Variants in CCDC174 observed in about 807,000 individuals in gnomAD.
The protein encoded by CCDC174 is coiled-coil domain containing 174.
In CCDC174, 37 loss-of-function variants were observed where a neutral mutation model predicts 57.1. That is an observed-to-expected ratio of 0.65 (90% CI 0.50 to 0.85). CCDC174 has a LOEUF of 0.85. Among genes scored for constraint, CCDC174 ranks in the 40% least tolerant of loss-of-function variants. CCDC174 has a pLI of 0.00. For synonymous variants in CCDC174, 182 were observed against 190.2 expected (o/e 0.96, Z 0.35); for missense variants, 540 against 574.3 (o/e 0.94, Z 0.61).
intron 10 of CCDC174, 113 bp from the exon 11 acceptor site, chr3:14,670,783 T>C: frequency 1.1e-6 from 1 of 900,856 alleles, no homozygotes; most frequent in Non-Finnish European, 1.7e-6. Flanking sequence ...TCTTATTCTT[T>C]GGATAATTTG....
intron 8 of CCDC174, 154 bp from the exon 9 acceptor site, chr3:14,667,895 C>T (rs778431825): frequency 4.4e-6 from 3 of 675,840 alleles, no homozygotes. Flanking sequence ...GAGAGTACTT[C>T]ATAGGGCTTC....
rs140126783 is a variant in CCDC174 at position 14,666,832 on chromosome 3, C to T, written c.609C>T (p.Thr203=). The change falls in exon 7 of 11, where the codon ACC becomes ACT. Residue 203 remains threonine (T), a synonymous_variant. Coordinates refer to ENST00000383794, the MANE Select transcript of CCDC174 (RefSeq NM_016474.5). ...RLFISPANEK[T]LLSEDMRKEL... ...TTATTAGTCCTGCTAATGAAAAAAC[C>T]CTATTATCTGAAGATATGAGAAAAG... The T allele has an allele frequency of 6.3e-7, 1 of 1,587,472 alleles. No individual in the cohort carries two copies. Among genetic ancestry groups the T allele is most frequent in the Non-Finnish European group, 8.5e-7 (1 of 1,173,370 alleles).
At chr3:14,654,928 T>C (rs2030900319) in intron 2 of CCDC174, among the ~76,000 whole-genome samples, 1 of 152,266 alleles carries the variant, frequency 6.6e-6, no homozygotes. Flanking sequence ...CTATTTGTAT[T>C]ACTAATTCTC....
In CCDC174 at chr3:14,655,639, T is replaced by C. The variant is rs759004491; in HGVS notation, c.248+10T>C. 4.7e-5 allele frequency: 72 copies of C among 1,547,162 alleles called. No homozygotes were observed. Among genetic ancestry groups the C allele is most frequent in the Non-Finnish European group, 6.2e-5 (70 of 1,128,412 alleles). On this transcript the variant is annotated intron_variant, in intron 3 of 10. Transcript: ENST00000383794. ...CTTTAGACAAAGCAAGGTAAAGTTA[T>C]AAGCTCTGGTAAATATAGTTAGCTT...
At chr3:14,661,801 T>C in intron 5 of CCDC174, 94 bp downstream of exon 5, 2 of 1,096,396 alleles carry the variant, frequency 1.8e-6, no homozygotes, top group Admixed American at 5.4e-5. Flanking sequence ...GAGCCATTTC[T>C]CTTTATTCTT....
In CCDC174 at chr3:14,670,986, G is replaced by T. The variant is rs376403526; in HGVS notation, c.1196G>T (p.Gly399Val). ...EFAPPSDYFV[G>V]QKRTGFSSSQ... ...GCCCCGCCGTCAGATTACTTTGTGGGTCAGAAGAGAACTGGTTTTTCCAGC... is the reference window on the plus strand; with the variant it reads ...GCCCCGCCGTCAGATTACTTTGTGGTTCAGAAGAGAACTGGTTTTTCCAGC... Residue 399 changes from glycine to valine, a missense_variant, in exon 11 of 11, where the codon GGT (glycine) becomes GTT (valine). Physicochemically the swap from Gly to Val is moderately radical, Grantham distance 109. Transcript: ENST00000383794. 6.2e-7 allele frequency: 1 copy of T among 1,614,162 alleles called. No individual in the cohort carries two copies.
At chr3:14,669,379 C>T (rs2031446260) in intron 9 of CCDC174, among the ~76,000 whole-genome samples, 1 of 152,206 alleles carries the variant, frequency 6.6e-6, no homozygotes. Context: ...TCAAATTTTG[C>T]TCCATCTCCT....
In CCDC174 at chr3:14,671,297, T is replaced by C. The variant is rs1250670790; in HGVS notation, c.*103T>C. The C allele has an allele frequency of 1.6e-6, 2 of 1,213,804 alleles. No homozygotes were observed. The highest frequency in any genetic ancestry group is 4.8e-5 in the East Asian group (2 of 41,972). The allele number at this position is 1,213,804 out of a possible 1,614,324, so 75.2% of individuals were successfully genotyped here. A position where few individuals can be genotyped will look rare whatever the true frequency, so the allele number is the denominator to read the frequency against. On this transcript the variant is annotated 3_prime_UTR_variant, in exon 11 of 11. Coordinates refer to ENST00000383794, the MANE Select transcript of CCDC174 (RefSeq NM_016474.5). Reference sequence around the variant, plus strand: ...TGAATTGTACCTTTGTCCTGTCCTTTCCCTAGGAGGCACAGACTTCGGGTT... The same window carrying C: ...TGAATTGTACCTTTGTCCTGTCCTTCCCCTAGGAGGCACAGACTTCGGGTT...
Position 14,661,650 on chromosome 3 carries a change from A to T in CCDC174, c.428A>T (p.Asp143Val). The change falls in exon 5 of 11, where the codon GAT (aspartate) becomes GTT (valine). Residue 143 changes from aspartate to valine, a missense_variant. Asp to Val is a radical substitution (Grantham distance 152). Coordinates refer to ENST00000383794, the MANE Select transcript of CCDC174 (RefSeq NM_016474.5). ...DSQKAGERDDDEENLPEGEIP... is the reference protein window; with the variant it reads ...DSQKAGERDDVEENLPEGEIP... ...CAAAAGGCAGGAGAAAGGGACGACGATGAGGAAAACCTTCCTGAGGGAGAG... is the reference window on the plus strand; with the variant it reads ...CAAAAGGCAGGAGAAAGGGACGACGTTGAGGAAAACCTTCCTGAGGGAGAG... 6.2e-7 allele frequency: 1 copy of T among 1,614,220 alleles called. No individual in the cohort carries two copies. Among genetic ancestry groups the T allele is most frequent in the Non-Finnish European group, 8.5e-7 (1 of 1,180,026 alleles).
rs2031269495 is a variant in CCDC174, at chr3:14,665,053, C to T, written c.511C>T (p.Arg171Cys). 2 of 1,613,774 alleles carry T rather than the reference C, an allele frequency of 1.2e-6. No homozygotes were observed. Among genetic ancestry groups the T allele is most frequent in the Admixed American group, 1.7e-5 (1 of 60,004 alleles). ...GGTGGATTACGTGGACTCTTTGGGG[C>T]GTTCCCGGCGCTGTATGAGAAAGGA... The part of the protein sequence containing the change: ...EWVDYVDSLG[R>C]SRRCMRKDLP... Residue 171 changes from arginine to cysteine, a missense_variant, in exon 6 of 11, where the codon CGT (arginine) becomes TGT (cysteine). Transcript: ENST00000383794.
At position 14,671,442 on chromosome 3, in the gene CCDC174, T is replaced by C. The variant is rs2031510087; in HGVS notation, c.*248T>C. On this transcript the variant is annotated 3_prime_UTR_variant, in exon 11 of 11. Coordinates refer to ENST00000383794, the MANE Select transcript of CCDC174 (RefSeq NM_016474.5). ...CATGTGAGCTGCGATAGAATAGAAG[T>C]ATTTATTCTGTAAAATTAGACACTG... 5 of 462,572 alleles carry C rather than the reference T, an allele frequency of 1.1e-5. No homozygotes were observed. Among genetic ancestry groups the C allele is most frequent in the Non-Finnish European group, 1.9e-5 (5 of 261,700 alleles). The allele number at this position is 462,572 out of a possible 1,614,324, so 28.7% of individuals were successfully genotyped here.
At chr3:14,666,770 A>C in intron 6 of CCDC174, 35 bp from the exon 7 acceptor site, 1 of 1,534,990 alleles carries the variant, frequency 6.5e-7, no homozygotes. Context: ...CTCAATCCTT[A>C]TCTGAAGATA....
chr3:14,654,968 T>C (rs1386635821), intron 2 of CCDC174, among the ~76,000 whole-genome samples: 2 of 152,210 alleles, frequency 1.3e-5, no homozygotes, highest in Non-Finnish European at 2.9e-5. Flanking sequence ...TTAATCTTGA[T>C]TTAGGTTGTA....
At chr3:14,667,155 A>T (rs983521504) in intron 7 of CCDC174, 2 of 621,630 alleles carry the variant, frequency 3.2e-6, no homozygotes, top group African/African-American at 3.7e-5. Context: ...TGGTAATCCA[A>T]GGGATTGTTC....
intron 9 of CCDC174, among the ~76,000 whole-genome samples, chr3:14,669,132 A>C (rs561546301): frequency 2.0e-5 from 3 of 152,310 alleles, no homozygotes; most frequent in Non-Finnish European, 4.4e-5. Context: ...CCTCTCCAGC[A>C]AGGTGGCCAC....
intron 4 of CCDC174, among the ~76,000 whole-genome samples, chr3:14,661,008 C>T (rs778842108): frequency 2.0e-5 from 3 of 152,162 alleles, no homozygotes; most frequent in Admixed American, 6.5e-5. Context: ...CTATGCCTTG[C>T]CTGGAATTGG....
In CCDC174 at chr3:14,668,169, G is replaced by A. The variant is rs760053062; in HGVS notation, c.940G>A (p.Glu314Lys). 2 of 1,609,256 alleles carry A rather than the reference G, an allele frequency of 1.2e-6. No homozygotes were observed. Among genetic ancestry groups the A allele is most frequent in the Non-Finnish European group, 1.7e-6 (2 of 1,178,628 alleles). The change falls in exon 9 of 11, where the codon GAA becomes AAA. Residue 314 changes from glutamate (E) to lysine (K), a missense_variant. By Grantham distance (56) the Glu-to-Lys change is moderately conservative. Coordinates refer to ENST00000383794, the MANE Select transcript of CCDC174 (RefSeq NM_016474.5). ...AAAATCAAAAGAAGGTGGAACAGAA[G>A]AAGAAAATAGAGGTATATCATGGCT... is the stretch of plus-strand genomic sequence containing the variant. The part of the protein sequence containing the change: ...MKKSKEGGTE[E>K]ENRDGDVIGP...
rs557703173 is a variant in CCDC174 at position 14,657,861 on chromosome 3, C to G, written c.249-1010C>G. On this transcript the variant is annotated intron_variant, in intron 3 of 10. Transcript: ENST00000383794. ...TTCAGAGAGGTTTCCCCTGACTGCC[C>G]TCTCTCAGTTAGTGTCCTGCCCACT... 3.3e-4 allele frequency among the ~76,000 whole-genome samples: 51 copies of G among 152,318 alleles called. No individual in the cohort carries two copies. The South Asian group carries it at 0.01, about 31-fold the overall frequency.
chr3:14,662,457 T>G (rs1341786268), intron 5 of CCDC174, among the ~76,000 whole-genome samples: 1 of 151,996 alleles, frequency 6.6e-6, no homozygotes, highest in Non-Finnish European at 1.5e-5. Context: ...TATATGTAGA[T>G]GAATGATAGA....
Sources: gnomAD v4.1 joint callset for allele counts (sites outside exome capture counted in the v4.1 genomes callset) on GRCh38, gnomAD v4.1.1 for gene constraint, MANE v1.5 for transcripts, NCBI Gene and HGNC (gene_info 2026-07-23, HGNC 2026-07-21) for gene names.